VAT1L: variants seen among roughly 807,000 people sequenced by gnomAD.
VAT1L encodes putative NADPH-dependent quinone oxidoreductase VAT1L.
A neutral mutation model predicts 44.1 loss-of-function variants in VAT1L; 34 were observed. That is an observed-to-expected ratio of 0.77 (90% CI 0.59 to 1.03). VAT1L has a LOEUF of 1.03. Ranked by LOEUF, VAT1L falls within the 50% of genes least tolerant of loss-of-function variation. The pLI, the probability that VAT1L is intolerant of heterozygous loss-of-function variation, is 0.00. For missense variants in VAT1L, 615 were observed against 538.8 expected (o/e 1.14, Z -1.40); for synonymous variants, 253 against 202.2 (o/e 1.25, Z -2.13).
rs190296993 is a variant in VAT1L at position 77,845,122 on chromosome 16, T to C, written c.580-17626T>C. Among the ~76,000 whole-genome samples, 115 of 151,312 alleles carry C rather than the reference T, an allele frequency of 7.6e-4. 2 individuals are homozygous for C. Among genetic ancestry groups the C allele is most frequent in the Admixed American group, 3.9e-3 (60 of 15,278 alleles). On this transcript the variant is annotated intron_variant, in intron 3 of 8. Transcript: ENST00000302536. ...GTCACAGAGCTTGCTTGCTAAGATC[T>C]AGCCTGCTGGCCATTGGGCTGTGTA...
chr16:77,970,614 A>C (rs2018268848), intron 7 of VAT1L, among the ~76,000 whole-genome samples: 1 of 152,172 alleles, frequency 6.6e-6, no homozygotes, highest in Non-Finnish European at 1.5e-5. Context: ...TCATCCCCTT[A>C]TCTCTGGGAC....
At chr16:77,847,838 A>T (rs1386192413) in intron 3 of VAT1L, among the ~76,000 whole-genome samples, 2 of 152,224 alleles carry the variant, frequency 1.3e-5, no homozygotes, top group East Asian at 3.9e-4. Flanking sequence ...AATTTTTATC[A>T]GTCAAGTATG....
intron 7 of VAT1L, among the ~76,000 whole-genome samples, chr16:77,934,698 C>T (rs1053185875): frequency 6.6e-6 from 1 of 152,176 alleles, no homozygotes; most frequent in African/African-American, 2.4e-5. Context: ...AAAGGGTGAT[C>T]ACCACAGCAA....
At chr16:77,831,982 A>ATTTTTTTTTTT (rs151275500) in intron 3 of VAT1L, among the ~76,000 whole-genome samples, 41 of 125,912 alleles carry the variant, frequency 3.3e-4, no homozygotes, top group Non-Finnish European at 4.3e-4. Context: ...TGCCCGGCTA[A>ATTTTTTTTTTT]TTTTTTTTTT....
chr16:77,800,815 T>C (rs1360277172), intron 1 of VAT1L: 1 of 152,184 alleles, frequency 6.6e-6, no homozygotes, highest in East Asian at 1.9e-4. Context: ...TATTTCACTA[T>C]TATCATAATA....
At chr16:77,853,869 C>G (rs966135267) in intron 3 of VAT1L, among the ~76,000 whole-genome samples, 1 of 152,200 alleles carries the variant, frequency 6.6e-6, no homozygotes, top group East Asian at 1.9e-4. Flanking sequence ...GGCCGGGCGC[C>G]GTGACTCATA....
chr16:77,821,086 C>T (rs2016445363), intron 2 of VAT1L, among the ~76,000 whole-genome samples: 1 of 152,140 alleles, frequency 6.6e-6, no homozygotes, highest in African/African-American at 2.4e-5. Flanking sequence ...CGTTCAGTTA[C>T]TTGTAATTAT....
intron 7 of VAT1L, among the ~76,000 whole-genome samples, chr16:77,970,456 A>G (rs1182649898): frequency 1.3e-5 from 2 of 152,218 alleles, no homozygotes; most frequent in East Asian, 1.9e-4. Context: ...AACATTTTAA[A>G]TATGCATGTC....
intron 4 of VAT1L, among the ~76,000 whole-genome samples, chr16:77,868,074 T>C (rs532537564): frequency 4.6e-5 from 7 of 152,332 alleles, no homozygotes; most frequent in South Asian, 4.1e-4. Flanking sequence ...ACCTACTGAA[T>C]GTCATAGCTT....
intron 7 of VAT1L, among the ~76,000 whole-genome samples, chr16:77,946,819 G>A (rs1327833880): frequency 1.3e-5 from 2 of 152,106 alleles, no homozygotes; most frequent in Non-Finnish European, 2.9e-5. Context: ...ACTGTTCATA[G>A]CCACCCCTCT....
At chr16:77,820,123 G>T (rs1015719012) in intron 2 of VAT1L, among the ~76,000 whole-genome samples, 6 of 152,132 alleles carry the variant, frequency 3.9e-5, no homozygotes, top group Admixed American at 1.3e-4. Flanking sequence ...CAAGTGTAAT[G>T]AATTAATTAT....
intron 3 of VAT1L, among the ~76,000 whole-genome samples, chr16:77,826,161 C>T (rs1388021829): frequency 1.4e-5 from 2 of 145,494 alleles, no homozygotes; most frequent in African/African-American, 2.5e-5. Flanking sequence ...GAGCCGAGAT[C>T]CCGCCACTGC....
At chr16:77,854,814 A>T (rs2016841673) in intron 3 of VAT1L, among the ~76,000 whole-genome samples, 1 of 152,228 alleles carries the variant, frequency 6.6e-6, no homozygotes, top group Non-Finnish European at 1.5e-5. Context: ...AGTGAAAACA[A>T]CTTTTAGAAG....
intron 3 of VAT1L, among the ~76,000 whole-genome samples, chr16:77,835,464 T>C (rs953364441): frequency 5.3e-5 from 8 of 152,094 alleles, no homozygotes; most frequent in Non-Finnish European, 1.5e-5. Context: ...CTGTGCTGAG[T>C]CCACTTCCTT....
At chr16:77,950,409 A>AACACCCACACACACACACACAC (rs2018027948) in intron 7 of VAT1L, among the ~76,000 whole-genome samples, 1 of 131,432 alleles carries the variant, frequency 7.6e-6, no homozygotes, top group African/African-American at 3.0e-5. Flanking sequence ...ATTCCATCTA[A>AACACCCACACACACACACACAC]ACACACACAC....
At chr16:77,953,612 C>T (rs1294887455) in intron 7 of VAT1L, among the ~76,000 whole-genome samples, 3 of 152,130 alleles carry the variant, frequency 2.0e-5, no homozygotes, top group Admixed American at 1.3e-4. Flanking sequence ...GCAATCACAG[C>T]TCACTGCGGT....
intron 7 of VAT1L, among the ~76,000 whole-genome samples, chr16:77,941,730 C>A (rs2017886566): frequency 6.6e-6 from 1 of 152,116 alleles, no homozygotes; most frequent in African/African-American, 2.4e-5. Flanking sequence ...GGATTACAGG[C>A]ACCATGCCAC....
intron 6 of VAT1L, among the ~76,000 whole-genome samples, chr16:77,882,696 A>C (rs1030267988): frequency 2.7e-4 from 41 of 152,256 alleles, no homozygotes; most frequent in African/African-American, 9.6e-4. Flanking sequence ...GCAAGCATTC[A>C]TTCCACAAAC....
At chr16:77,950,749 T>C (rs896496076) in intron 7 of VAT1L, among the ~76,000 whole-genome samples, 1 of 152,210 alleles carries the variant, frequency 6.6e-6, no homozygotes, top group African/African-American at 2.4e-5. Flanking sequence ...GTGAATGTTA[T>C]ACAGCTTTAT....
Sources: allele counts gnomAD v4.1 joint callset (sites outside exome capture counted in the v4.1 genomes callset), GRCh38; gene constraint gnomAD v4.1.1; transcripts MANE v1.5; gene names NCBI Gene and HGNC (gene_info 2026-07-23, HGNC 2026-07-21).